The following KCTD8 variants were observed in gnomAD, a reference collection of about 807,000 sequenced individuals.
KCTD8 encodes the protein BTB/POZ domain-containing protein KCTD8.
In KCTD8, 27 loss-of-function variants were observed where a neutral mutation model predicts 31.5. That is an observed-to-expected ratio of 0.86 (90% CI 0.63 to 1.18). The LOEUF is 1.18. KCTD8 is among the 50% of genes most tolerant of loss of function. KCTD8 has a pLI of 0.00. For missense variants in KCTD8, 658 were observed against 647.7 expected, an observed-to-expected ratio of 1.02 and a Z score of -0.17; for synonymous variants, 290 against 280.0, an observed-to-expected ratio of 1.04 and a Z score of -0.36.
chr4:44,182,235 C>T (rs1713443687), intron 1 of KCTD8, among the ~76,000 whole-genome samples: 1 of 151,788 alleles, frequency 6.6e-6, no homozygotes, highest in South Asian at 2.1e-4. Context: ...CCCGGCCGCC[C>T]CTTCTGGGAA....
At chr4:44,432,031 A>T (rs1721518054) in intron 1 of KCTD8, among the ~76,000 whole-genome samples, 1 of 151,526 alleles carries the variant, frequency 6.6e-6, no homozygotes, top group Non-Finnish European at 1.5e-5. Flanking sequence ...TTCCCCCTAT[A>T]TCTAACTCAG....
In KCTD8 at chr4:44,317,236, TTTTTTTTTTTTTTTGAGACGGAGTCTCGC is replaced by T. The variant is rs1407913013; in HGVS notation, c.961+130298_961+130326del. On this transcript the variant is annotated intron_variant, in intron 1 of 1. Transcript: ENST00000360029. ...TTGCCTATGGGTGCTTTCTTTTTTTTTTTTTTTTTTTTTTGAGACGGAGTCTCGCTCTGTCGCCCAGGCCGGACTGCGGA... is the reference window on the plus strand; with the variant it reads ...TTGCCTATGGGTGCTTTCTTTTTTTTTCTGTCGCCCAGGCCGGACTGCGGA... 5.2e-4 allele frequency among the ~76,000 whole-genome samples: 31 copies of T among 59,268 alleles called. No individual in the cohort carries two copies. The South Asian group carries it at 0.02, about 37-fold the overall frequency. The allele number at this position is 59,268 out of a possible 152,430, so 38.9% of individuals were successfully genotyped here. A position where few individuals can be genotyped will look rare whatever the true frequency, so the allele number is the denominator to read the frequency against.
chr4:44,354,780 T>C (rs553171487), intron 1 of KCTD8, among the ~76,000 whole-genome samples: 2 of 152,070 alleles, frequency 1.3e-5, no homozygotes, highest in African/African-American at 4.8e-5. Flanking sequence ...ACTTAACATA[T>C]CCTTACAGTA....
Position 44,189,841 on chromosome 4 carries a change from C to T in KCTD8, c.962-14591G>A, listed in dbSNP as rs192976826. ...TCTTAAACCAGTTCCTCCTCTTATG[C>T]TTTCTATTTTCCTATTTTTATAGAA... On this transcript the variant is annotated intron_variant, in intron 1 of 1. Coordinates refer to ENST00000360029, the MANE Select transcript of KCTD8 (RefSeq NM_198353.3). Among the ~76,000 whole-genome samples the T allele has an allele frequency of 9.9e-5, 15 of 152,204 alleles. No homozygotes were observed. The East Asian group carries it at 2.9e-3, about 29-fold the overall frequency.
intron 1 of KCTD8, among the ~76,000 whole-genome samples, chr4:44,383,680 A>T (rs1459682942): frequency 6.6e-6 from 1 of 152,070 alleles, no homozygotes; most frequent in Non-Finnish European, 1.5e-5. Context: ...TAAATAGATT[A>T]AAGACTTAAA....
intron 1 of KCTD8, among the ~76,000 whole-genome samples, chr4:44,427,330 T>G (rs1244741724): frequency 1.3e-5 from 2 of 151,342 alleles, no homozygotes; most frequent in Non-Finnish European, 3.0e-5. Flanking sequence ...ATAAGAAGTC[T>G]AAGAACTGCA....
At chr4:44,214,406 C>T (rs923637080) in intron 1 of KCTD8, among the ~76,000 whole-genome samples, 5 of 152,158 alleles carry the variant, frequency 3.3e-5, no homozygotes, top group African/African-American at 1.2e-4. Flanking sequence ...AATATAAACT[C>T]CTCCATATCA....
At chr4:44,235,051 C>A (rs1715233935) in intron 1 of KCTD8, among the ~76,000 whole-genome samples, 1 of 151,914 alleles carries the variant, frequency 6.6e-6, no homozygotes, top group African/African-American at 2.4e-5. Context: ...GACGGTAAAA[C>A]CATTAAGTCA....
chr4:44,399,688 C>A (rs755435489), intron 1 of KCTD8, among the ~76,000 whole-genome samples: 1 of 152,134 alleles, frequency 6.6e-6, no homozygotes, highest in African/African-American at 2.4e-5. Context: ...AGACCATATT[C>A]TTTTAAACAT....
intron 1 of KCTD8, among the ~76,000 whole-genome samples, chr4:44,421,193 C>T (rs1464169011): frequency 1.3e-5 from 2 of 152,056 alleles, no homozygotes; most frequent in South Asian, 2.1e-4. Context: ...AATATATCTA[C>T]TACTGTACTC....
intron 1 of KCTD8, among the ~76,000 whole-genome samples, chr4:44,303,709 A>G (rs11936865): frequency 0.3 from 45,809 of 151,680 alleles, 7,098 homozygotes; most frequent in African/African-American, 0.33. Context: ...CCAGTTACTT[A>G]GGAGGCTAAG....
At chr4:44,441,818 TA>T (rs1721818295) in intron 1 of KCTD8, among the ~76,000 whole-genome samples, 1 of 152,214 alleles carries the variant, frequency 6.6e-6, no homozygotes, top group African/African-American at 2.4e-5. Flanking sequence ...AATGTGATAG[TA>T]AATTTTTTAA....
At chr4:44,335,561 T>A (rs920110730) in intron 1 of KCTD8, among the ~76,000 whole-genome samples, 68 of 152,254 alleles carry the variant, frequency 4.5e-4, no homozygotes, top group Admixed American at 1.5e-3. Flanking sequence ...GAAGTAAATT[T>A]AAAAATTTTT....
intron 1 of KCTD8, among the ~76,000 whole-genome samples, chr4:44,181,513 G>A (rs1378821159): frequency 3.3e-5 from 5 of 152,322 alleles, no homozygotes; most frequent in South Asian, 4.1e-4. Flanking sequence ...CCCCCGAGGC[G>A]CCGGGATTGC....
intron 1 of KCTD8, among the ~76,000 whole-genome samples, chr4:44,272,125 A>G (rs989834015): frequency 1.3e-5 from 2 of 148,316 alleles, no homozygotes; most frequent in South Asian, 4.2e-4. Flanking sequence ...ATTATATTAT[A>G]TATATATATA....
chr4:44,182,540 G>C (rs1440662221), intron 1 of KCTD8, among the ~76,000 whole-genome samples: 1 of 152,156 alleles, frequency 6.6e-6, no homozygotes, highest in Non-Finnish European at 1.5e-5. Context: ...GGGTTAAATG[G>C]ATTAAGGGCG....
At chr4:44,353,554 A>G (rs1465612895) in intron 1 of KCTD8, among the ~76,000 whole-genome samples, 1 of 152,070 alleles carries the variant, frequency 6.6e-6, no homozygotes, top group African/African-American at 2.4e-5. Flanking sequence ...TCCAAACACT[A>G]GGTTGCATTC....
chr4:44,338,811 CT>C (rs1298650055), intron 1 of KCTD8, among the ~76,000 whole-genome samples: 1 of 152,130 alleles, frequency 6.6e-6, no homozygotes, highest in East Asian at 1.9e-4. Context: ...TAAAATTGAA[CT>C]TTTTAGAACA....
chr4:44,362,836 A>G (rs1719533715), intron 1 of KCTD8, among the ~76,000 whole-genome samples: 1 of 151,814 alleles, frequency 6.6e-6, no homozygotes, highest in African/African-American at 2.4e-5. Context: ...AAAATTTAAT[A>G]GCAGATACTT....
Sources: allele counts gnomAD v4.1 joint callset (sites outside exome capture counted in the v4.1 genomes callset), GRCh38; gene constraint gnomAD v4.1.1; transcripts MANE v1.5; gene names NCBI Gene and HGNC (gene_info 2026-07-23, HGNC 2026-07-21).